Variants in PRKG1 observed in about 807,000 individuals in gnomAD.
The protein encoded by PRKG1 is cGMP-dependent protein kinase 1.
Under a neutral mutation model 88.1 loss-of-function variants are expected in PRKG1, and 35 were observed. The ratio of observed to expected loss-of-function variants is 0.40; its 90% CI spans 0.30 to 0.53. PRKG1 has a LOEUF of 0.53. Among genes scored for constraint, PRKG1 ranks in the 20% least tolerant of loss-of-function variants. The pLI is 0.59. For missense variants in PRKG1, 540 were observed against 839.8 expected (o/e 0.64, Z 4.41); for synonymous variants, 303 against 292.5 (o/e 1.04, Z -0.37).
intron 2 of PRKG1, among the ~76,000 whole-genome samples, chr10:51,431,742 A>G (rs973134228): frequency 6.6e-6 from 1 of 152,200 alleles, no homozygotes; most frequent in Non-Finnish European, 1.5e-5. Context: ...ATAAACAAAT[A>G]TGGAACCTAA....
At chr10:51,302,043 T>C (rs1421272335) in intron 2 of PRKG1, among the ~76,000 whole-genome samples, 1 of 152,214 alleles carries the variant, frequency 6.6e-6, no homozygotes, top group African/African-American at 2.4e-5. Context: ...AGAGTGCTGA[T>C]CAAATGGTTT....
intron 3 of PRKG1, among the ~76,000 whole-genome samples, chr10:51,562,159 G>A (rs1837480701): frequency 6.6e-6 from 1 of 151,582 alleles, no homozygotes; most frequent in Admixed American, 6.6e-5. Flanking sequence ...AGGAGGAGGA[G>A]GTTGCAGTGA....
In PRKG1 at chr10:51,151,837, G is replaced by A. The variant is rs569240582; in HGVS notation, c.312-1327G>A. Among the ~76,000 whole-genome samples the A allele has an allele frequency of 4.7e-4, 71 of 152,074 alleles. No homozygotes were observed. In the South Asian group the frequency reaches 0.013, roughly 28 times the overall value. ...ATAATGGTGAAGGCTAGGCTGGTTA[G>A]ACTGAGGTCTGGATGAAAAGCCTCC... On this transcript the variant is annotated intron_variant, in intron 1 of 17. Coordinates refer to ENST00000373980, the MANE Select transcript of PRKG1 (RefSeq NM_006258.4).
intron 3 of PRKG1, among the ~76,000 whole-genome samples, chr10:51,487,325 T>C (rs1328830610): frequency 2.0e-5 from 3 of 152,184 alleles, no homozygotes; most frequent in Non-Finnish European, 4.4e-5. Context: ...CCAGGATATT[T>C]TGAGTTAGTA....
At chr10:51,269,056 A>G (rs1444579391) in intron 2 of PRKG1, among the ~76,000 whole-genome samples, 1 of 152,190 alleles carries the variant, frequency 6.6e-6, no homozygotes, top group African/African-American at 2.4e-5. Context: ...AAAAGTGGGC[A>G]AAGGGCATGA....
intron 3 of PRKG1, among the ~76,000 whole-genome samples, chr10:51,777,191 A>T (rs1838462016): frequency 6.6e-6 from 1 of 152,154 alleles, no homozygotes. Context: ...CTACTATTTG[A>T]CAGACACTAT....
chr10:52,013,608 C>A (rs191631147), intron 5 of PRKG1, among the ~76,000 whole-genome samples: 10 of 152,200 alleles, frequency 6.6e-5, no homozygotes, highest in Admixed American at 3.9e-4. Context: ...AGCTTATGTT[C>A]GAGAAAACTG....
chr10:51,363,711 T>C (rs865945503), intron 2 of PRKG1, among the ~76,000 whole-genome samples: 3 of 151,874 alleles, frequency 2.0e-5, no homozygotes, highest in Admixed American at 6.6e-5. Flanking sequence ...CTTTTCACCA[T>C]GACTCTGCCA....
intron 2 of PRKG1, among the ~76,000 whole-genome samples, chr10:51,222,130 C>A (rs889950124): frequency 7.2e-6 from 1 of 138,426 alleles, no homozygotes; most frequent in African/African-American, 3.1e-5. Context: ...GCGCCCCCCC[C>A]CGACCCCAGC....
At chr10:51,233,713 T>C (rs868663047) in intron 2 of PRKG1, among the ~76,000 whole-genome samples, 1 of 152,214 alleles carries the variant, frequency 6.6e-6, no homozygotes, top group Non-Finnish European at 1.5e-5. Flanking sequence ...TAATAGGTGA[T>C]TGAGATAAAT....
intron 2 of PRKG1, among the ~76,000 whole-genome samples, chr10:51,438,468 T>G (rs1229719507): frequency 1.3e-5 from 2 of 151,962 alleles, no homozygotes; most frequent in Non-Finnish European, 2.9e-5. Flanking sequence ...TTCTCAGTCT[T>G]GTTTTTGATG....
intron 5 of PRKG1, among the ~76,000 whole-genome samples, chr10:51,983,829 C>T (rs1036378388): frequency 2.0e-5 from 3 of 152,212 alleles, no homozygotes; most frequent in Non-Finnish European, 4.4e-5. Context: ...TTCAACTCAC[C>T]CATTTCCCCA....
intron 2 of PRKG1, among the ~76,000 whole-genome samples, chr10:51,327,459 T>C (rs888803258): frequency 6.8e-6 from 1 of 147,760 alleles, no homozygotes; most frequent in African/African-American, 2.5e-5. Context: ...TAGCAAAAAA[T>C]GTGTTTCTCT....
intron 2 of PRKG1, among the ~76,000 whole-genome samples, chr10:51,195,411 A>T (rs991135063): frequency 6.6e-6 from 1 of 152,240 alleles, no homozygotes; most frequent in South Asian, 2.1e-4. Flanking sequence ...CAAACAAATT[A>T]AAGATGAATA....
At chr10:51,165,629 G>A (rs1159129869) in intron 2 of PRKG1, among the ~76,000 whole-genome samples, 1 of 152,128 alleles carries the variant, frequency 6.6e-6, no homozygotes, top group Admixed American at 6.5e-5. Flanking sequence ...AGACCCATCA[G>A]TGTGCTGTAT....
At chr10:51,165,165 A>T (rs1846500919) in intron 2 of PRKG1, among the ~76,000 whole-genome samples, 2 of 152,208 alleles carry the variant, frequency 1.3e-5, no homozygotes, top group African/African-American at 4.8e-5. Context: ...CGGGTTACCC[A>T]CAAAGGGAAG....
chr10:51,794,322 GA>G (rs1156397534), intron 3 of PRKG1, among the ~76,000 whole-genome samples: 1 of 152,014 alleles, frequency 6.6e-6, no homozygotes, highest in African/African-American at 2.4e-5. Context: ...AATCAATAAA[GA>G]AACCCAGATA....
chr10:51,941,460 T>C (rs1336140138), intron 5 of PRKG1, among the ~76,000 whole-genome samples: 2 of 151,918 alleles, frequency 1.3e-5, no homozygotes, highest in Admixed American at 1.3e-4. Context: ...TTTTATTTTA[T>C]TATTATTATA....
chr10:52,205,463 C>T (rs7068267), intron 9 of PRKG1, among the ~76,000 whole-genome samples: 2 of 152,030 alleles, frequency 1.3e-5, no homozygotes, highest in Non-Finnish European at 2.9e-5. Flanking sequence ...CAGAAAAGAA[C>T]CCACGTTGAA....
Sources: allele counts gnomAD v4.1 joint callset (sites outside exome capture counted in the v4.1 genomes callset), GRCh38; gene constraint gnomAD v4.1.1; transcripts MANE v1.5; gene names NCBI Gene and HGNC (gene_info 2026-07-23, HGNC 2026-07-21).